UHRF2: variants seen among roughly 807,000 people sequenced by gnomAD.
UHRF2 encodes the protein E3 ubiquitin-protein ligase UHRF2.
UHRF2 carries 23 observed loss-of-function variants against 96.8 expected under a neutral mutation model. The ratio of observed to expected loss-of-function variants is 0.24; its 90% CI spans 0.17 to 0.34. The LOEUF (loss-of-function observed/expected upper bound fraction) is 0.34, where lower values mean the gene tolerates loss of function less well. Ranked by LOEUF, UHRF2 falls within the 10% of genes least tolerant of loss-of-function variation. The pLI, the probability that UHRF2 is intolerant of heterozygous loss-of-function variation, is 1.00. For synonymous variants in UHRF2, 385 were observed against 332.6 expected (o/e 1.16, Z -1.72); for missense variants, 685 against 981.5 (o/e 0.70, Z 4.04).
intron 1 of UHRF2, 112 bp from the exon 2 acceptor site, chr9:6,420,800 C>G: frequency 1.3e-6 from 1 of 790,780 alleles, no homozygotes; most frequent in Non-Finnish European, 2.1e-6. Context: ...GTTTTAAAAT[C>G]TCTAAACTGT....
chr9:6,454,228 A>G (rs1366162191), intron 3 of UHRF2, among the ~76,000 whole-genome samples: 2 of 152,242 alleles, frequency 1.3e-5, no homozygotes, highest in Non-Finnish European at 2.9e-5. Flanking sequence ...GGGAGAAGCT[A>G]AATTGGGAAT....
chr9:6,460,269 G>A (rs1051842676), intron 3 of UHRF2, among the ~76,000 whole-genome samples: 24 of 152,190 alleles, frequency 1.6e-4, no homozygotes, highest in African/African-American at 5.3e-4. Context: ...AGATGATTGT[G>A]GTTCTTGAAT....
At chr9:6,467,316 C>T (rs1409030935) in intron 4 of UHRF2, among the ~76,000 whole-genome samples, 1 of 152,178 alleles carries the variant, frequency 6.6e-6, no homozygotes, top group Non-Finnish European at 1.5e-5. Flanking sequence ...ATATTCTCTC[C>T]TCTGCCTCCC....
At chr9:6,458,784 A>G (rs1822338606) in intron 3 of UHRF2, among the ~76,000 whole-genome samples, 1 of 152,224 alleles carries the variant, frequency 6.6e-6, no homozygotes, top group Non-Finnish European at 1.5e-5. Flanking sequence ...TTATTGCAGC[A>G]CTGTTCACAA....
In UHRF2 at chr9:6,458,287, T is replaced by G. The variant is rs375042114; in HGVS notation, c.645-2286T>G. Among the ~76,000 whole-genome samples the G allele has an allele frequency of 2.6e-5, 4 of 152,310 alleles. No individual in the cohort carries two copies. In the East Asian group the frequency reaches 5.8e-4, roughly 22 times the overall value. Reference sequence around the variant, plus strand: ...TTTCTTCTAGATTTTCTAGTTTATTTGTGTAGTATTCTCTGATGGTAGTTT... The same window carrying G: ...TTTCTTCTAGATTTTCTAGTTTATTGGTGTAGTATTCTCTGATGGTAGTTT... On this transcript the variant is annotated intron_variant, in intron 3 of 15. Transcript: ENST00000276893.
rs1217271755 is a variant in UHRF2 at position 6,498,083 on chromosome 9, A to G, written c.1833A>G (p.Arg611=). Residue 611 remains arginine (R), a synonymous_variant, in exon 12 of 16, where the codon AGA becomes AGG. Coordinates refer to ENST00000276893, the MANE Select transcript of UHRF2 (RefSeq NM_152896.3). The part of the protein sequence containing the change: ...HGFLVWRYLL[R]RDDVEPAPWT... ...TCTTGGTTTGGCGCTATCTTTTAAG[A>G]AGAGATGATGTTGAACCTGCTCCTT... is the stretch of plus-strand genomic sequence containing the variant. 6.2e-7 allele frequency: 1 copy of G among 1,614,002 alleles called. No homozygotes were observed.
chr9:6,485,821 AAAAAAAAC>A (rs1824252094), intron 8 of UHRF2, among the ~76,000 whole-genome samples: 3 of 150,562 alleles, frequency 2.0e-5, no homozygotes, highest in Non-Finnish European at 3.0e-5. Context: ...AAAAAAAAAA[AAAAAAAAC>A]AAAACCCAAA....
At chr9:6,435,444 G>C (rs972094654) in intron 3 of UHRF2, among the ~76,000 whole-genome samples, 1 of 152,136 alleles carries the variant, frequency 6.6e-6, no homozygotes, top group Non-Finnish European at 1.5e-5. Context: ...TTTTTAAACA[G>C]CTTTTTATTG....
intron 3 of UHRF2, among the ~76,000 whole-genome samples, chr9:6,440,573 T>C (rs1821102434): frequency 6.6e-6 from 1 of 152,204 alleles, no homozygotes; most frequent in Non-Finnish European, 1.5e-5. Context: ...AGACTTGCTT[T>C]AGACTTTGCC....
At chr9:6,487,019 C>A in intron 9 of UHRF2, 94 bp downstream of exon 9, 1 of 1,131,068 alleles carries the variant, frequency 8.8e-7, no homozygotes, top group South Asian at 1.4e-5. Flanking sequence ...ACTGTTGTGT[C>A]TTTTTAGCAC....
At position 6,434,115 on chromosome 9, in the gene UHRF2, T is replaced by A. The variant is rs769834849; in HGVS notation, c.586T>A (p.Ser196Thr). Reference protein sequence around the residue: ...TNKLDSVPSTSNSDCVAADED... With the variant: ...TNKLDSVPSTTNSDCVAADED... ...TAAATTGGACAGTGTACCCTCTACG[T>A]CTAATTCAGACTGTGTTGCTGCTGA... Residue 196 changes from serine to threonine, a missense_variant, in exon 3 of 16, where the codon TCT becomes ACT. Around this residue, in one of 6 missense-constraint regions of UHRF2, gnomAD observed 391 missense variants for 437.0 expected, o/e 0.89. Coordinates refer to ENST00000276893, the MANE Select transcript of UHRF2 (RefSeq NM_152896.3). The A allele has an allele frequency of 6.2e-7, 1 of 1,614,140 alleles. No homozygotes were observed. Among genetic ancestry groups the A allele is most frequent in the South Asian group, 1.1e-5 (1 of 91,084 alleles).
chr9:6,434,219 A>C, intron 3 of UHRF2, 46 bp downstream of exon 3: 1 of 1,552,228 alleles, frequency 6.4e-7, no homozygotes, highest in Non-Finnish European at 8.7e-7. Flanking sequence ...TTTCATTTGT[A>C]GAAACCAAAG....
At position 6,460,625 on chromosome 9, in the gene UHRF2, G is replaced by T. The variant is rs780144388; in HGVS notation, c.697G>T (p.Ala233Ser). The T allele has an allele frequency of 1.2e-6, 2 of 1,612,794 alleles. No individual in the cohort carries two copies. Among genetic ancestry groups the T allele is most frequent in the Non-Finnish European group, 1.7e-6 (2 of 1,179,722 alleles). Residue 233 changes from alanine (A) to serine (S), a missense_variant, in exon 4 of 16, where the codon GCT becomes TCT. By Grantham distance (99) the Ala-to-Ser change is moderately conservative. This residue lies in a region of UHRF2 where 391 missense variants were observed against 437.0 expected (regional missense o/e 0.89). Coordinates refer to ENST00000276893, the MANE Select transcript of UHRF2 (RefSeq NM_152896.3). ...EMNVKDLRPR[A>S]RTILKWNELN... is the part of the protein sequence containing the mutation. Reference sequence around the variant, plus strand: ...GAATGTCAAGGATCTTAGACCACGAGCTAGAACCATTTTGAAATGGAATGA... The same window carrying T: ...GAATGTCAAGGATCTTAGACCACGATCTAGAACCATTTTGAAATGGAATGA...
chr9:6,493,758 C>T, intron 9 of UHRF2, 68 bp from the exon 10 acceptor site: 2 of 1,375,390 alleles, frequency 1.5e-6, no homozygotes, highest in Non-Finnish European at 2.0e-6. Context: ...TGTTTTGACT[C>T]TGAAATAAGA....
intron 3 of UHRF2, among the ~76,000 whole-genome samples, chr9:6,457,655 G>C (rs1348322172): frequency 1.3e-5 from 2 of 152,216 alleles, no homozygotes; most frequent in East Asian, 3.9e-4. Flanking sequence ...GTCATAAATA[G>C]CTCTTATTAT....
intron 14 of UHRF2, among the ~76,000 whole-genome samples, chr9:6,503,803 A>T (rs1021662664): frequency 6.6e-6 from 1 of 152,002 alleles, no homozygotes; most frequent in Admixed American, 6.6e-5. Context: ...GTTGCCCATG[A>T]TTTTTTTATT....
intron 9 of UHRF2, among the ~76,000 whole-genome samples, chr9:6,491,411 T>G (rs1032624171): frequency 1.3e-5 from 2 of 152,172 alleles, no homozygotes; most frequent in African/African-American, 4.8e-5. Flanking sequence ...CCACCAGTAG[T>G]AGATGTGTGT....
intron 1 of UHRF2, among the ~76,000 whole-genome samples, chr9:6,417,751 A>G (rs1819690677): frequency 6.6e-6 from 1 of 152,218 alleles, no homozygotes; most frequent in Non-Finnish European, 1.5e-5. Flanking sequence ...ATAGGGTCTC[A>G]TGCCGTGATA....
At chr9:6,414,910 A>G (rs1157466780) in intron 1 of UHRF2, among the ~76,000 whole-genome samples, 1 of 152,194 alleles carries the variant, frequency 6.6e-6, no homozygotes, top group East Asian at 1.9e-4. Context: ...TGACTTGTAA[A>G]AACAGGTATT....
Sources: allele counts gnomAD v4.1 joint callset (sites outside exome capture counted in the v4.1 genomes callset), GRCh38; gene constraint gnomAD v4.1.1; regional missense constraint gnomAD v4.1.1; transcripts MANE v1.5; gene names NCBI Gene and HGNC (gene_info 2026-07-23, HGNC 2026-07-21).